TRAPPC9: variants seen among roughly 807,000 people sequenced by gnomAD.
TRAPPC9 encodes the protein IKK2 binding protein.
A neutral mutation model predicts 124.0 loss-of-function variants in TRAPPC9; 83 were observed. The ratio of observed to expected loss-of-function variants is 0.67; its 90% confidence interval spans 0.56 to 0.80. The LOEUF (loss-of-function observed/expected upper bound fraction) is 0.80. Among genes scored for constraint, TRAPPC9 ranks in the 30% least tolerant of loss-of-function variants. The pLI is 0.00. For missense variants in TRAPPC9, 1,302 were observed against 1,508.3 expected, an observed-to-expected ratio of 0.86 and a Z score of 2.27; for synonymous variants, 638 against 617.5, an observed-to-expected ratio of 1.03 and a Z score of -0.49.
In TRAPPC9 at chr8:140,039,909, C is replaced by T. The variant is rs574880938; in HGVS notation, c.2557-15830G>A. 6.6e-5 allele frequency: 10 copies of T among 152,312 alleles called. No homozygotes were observed. The South Asian group carries it at 2.1e-3, about 32-fold the overall frequency. 9.4% of individuals were successfully genotyped at this position (152,312 alleles called of 1,614,324 possible). On this transcript the variant is annotated intron_variant, in intron 17 of 22. Transcript: ENST00000438773. The stretch of plus-strand genomic sequence containing the variant: ...TGAACAATTACATGGTGAGCATGTT[C>T]TAGTATGAGTCCACAACTCTAAAGG...
chr8:140,136,565 C>T (rs1025486629), intron 17 of TRAPPC9, among the ~76,000 whole-genome samples: 6 of 152,188 alleles, frequency 3.9e-5, no homozygotes, highest in African/African-American at 1.4e-4. Flanking sequence ...TGGCTGGGCA[C>T]GGTGGCTCAC....
At chr8:139,886,288 T>C (rs1380459600) in intron 20 of TRAPPC9, among the ~76,000 whole-genome samples, 1 of 152,242 alleles carries the variant, frequency 6.6e-6, no homozygotes, top group Non-Finnish European at 1.5e-5. Context: ...AAATGGAAGG[T>C]TATTTTTCCT....
intron 18 of TRAPPC9, among the ~76,000 whole-genome samples, chr8:140,019,540 GTCTT>G (rs1839694585): frequency 1.4e-5 from 1 of 73,276 alleles, no homozygotes; most frequent in Non-Finnish European, 2.7e-5. Flanking sequence ...AGTAATTTGT[GTCTT>G]TTTTTTTTTT....
intron 21 of TRAPPC9, among the ~76,000 whole-genome samples, chr8:139,746,727 T>C (rs1474886048): frequency 6.6e-6 from 1 of 152,206 alleles, no homozygotes; most frequent in Non-Finnish European, 1.5e-5. Context: ...AGCTGTGACA[T>C]TTACAGGCCA....
intron 17 of TRAPPC9, among the ~76,000 whole-genome samples, chr8:140,121,186 A>G (rs1026371932): frequency 4.6e-5 from 7 of 152,210 alleles, no homozygotes; most frequent in African/African-American, 7.2e-5. Flanking sequence ...TAAGCCACAT[A>G]TTTATGTGGG....
At chr8:140,425,893 G>A (rs1375909600) in intron 5 of TRAPPC9, among the ~76,000 whole-genome samples, 3 of 152,192 alleles carry the variant, frequency 2.0e-5, no homozygotes, top group Non-Finnish European at 4.4e-5. Context: ...ACGGCCTAGA[G>A]AAAGGAGTGA....
intron 17 of TRAPPC9, among the ~76,000 whole-genome samples, chr8:140,186,971 G>C (rs569812475): frequency 5.9e-5 from 9 of 152,298 alleles, no homozygotes; most frequent in Middle Eastern, 3.4e-3. Flanking sequence ...CAGTGGGAGT[G>C]AGCATCAGGT....
intron 15 of TRAPPC9, among the ~76,000 whole-genome samples, chr8:140,267,125 G>C (rs1303876006): frequency 1.3e-5 from 2 of 152,210 alleles, no homozygotes; most frequent in Admixed American, 6.5e-5. Context: ...TCTGAAGATT[G>C]ATGTCTGAAG....
chr8:139,888,609 G>A (rs753085995), intron 20 of TRAPPC9, among the ~76,000 whole-genome samples: 97 of 152,184 alleles, frequency 6.4e-4, no homozygotes, highest in Non-Finnish European at 1.1e-3. Flanking sequence ...CTCCCTTGGG[G>A]GTCTTACTCT....
chr8:140,074,207 G>T (rs923816244), intron 17 of TRAPPC9, among the ~76,000 whole-genome samples: 3 of 152,078 alleles, frequency 2.0e-5, no homozygotes, highest in Non-Finnish European at 4.4e-5. Context: ...AGGCAGTCAG[G>T]GTTGCTTTCC....
At chr8:139,971,753 A>ACACACACACACATG (rs1351350834) in intron 19 of TRAPPC9, among the ~76,000 whole-genome samples, 1 of 3,534 alleles carries the variant, frequency 2.8e-4, no homozygotes, top group African/African-American at 7.8e-4. Context: ...ATATATACAC[A>ACACACACACACATG]CACACACACA....
intron 21 of TRAPPC9, among the ~76,000 whole-genome samples, chr8:139,845,054 T>C (rs996862032): frequency 6.6e-6 from 1 of 152,212 alleles, no homozygotes; most frequent in Admixed American, 6.5e-5. Flanking sequence ...CGTGGTTTCT[T>C]GTGTGTCCCA....
chr8:139,885,161 G>A (rs560056410), intron 21 of TRAPPC9, among the ~76,000 whole-genome samples: 2 of 152,280 alleles, frequency 1.3e-5, no homozygotes, highest in Non-Finnish European at 2.9e-5. Context: ...TAGATGAGCT[G>A]ATTAAATAAT....
intron 21 of TRAPPC9, among the ~76,000 whole-genome samples, chr8:139,766,787 C>CGCCTGGCT (rs1820614310): frequency 6.6e-6 from 1 of 152,248 alleles, no homozygotes; most frequent in Admixed American, 6.5e-5. Context: ...AAGAGCTCCC[C>CGCCTGGCT]GCCTGGCTCC....
chr8:140,105,031 C>A (rs1281785662), intron 17 of TRAPPC9, among the ~76,000 whole-genome samples: 1 of 152,156 alleles, frequency 6.6e-6, no homozygotes, highest in Non-Finnish European at 1.5e-5. Context: ...CACCACTTGG[C>A]CGGCTCCAGC....
chr8:139,899,039 G>T (rs1345857957), intron 20 of TRAPPC9, among the ~76,000 whole-genome samples: 1 of 133,696 alleles, frequency 7.5e-6, no homozygotes, highest in Non-Finnish European at 1.5e-5. Context: ...AGAATTGCTT[G>T]AACCCAGGAG....
chr8:139,914,604 C>A (rs1357642379), intron 19 of TRAPPC9, among the ~76,000 whole-genome samples: 1 of 152,198 alleles, frequency 6.6e-6, no homozygotes, highest in East Asian at 1.9e-4. Context: ...GTCAGTGCCA[C>A]CCGCACCTAA....
intron 1 of TRAPPC9, chr8:140,456,894 T>G: frequency 1.0e-6 from 1 of 954,828 alleles, no homozygotes; most frequent in East Asian, 1.2e-4. Context: ...AACTTTCGGT[T>G]AACAGACATT....
intron 17 of TRAPPC9, among the ~76,000 whole-genome samples, chr8:140,192,181 T>G (rs760255102): frequency 1.3e-5 from 2 of 152,222 alleles, no homozygotes; most frequent in Non-Finnish European, 2.9e-5. Flanking sequence ...ATCTATAATT[T>G]GCAAATCCAG....
Sources: gnomAD v4.1 joint callset for allele counts (sites outside exome capture counted in the v4.1 genomes callset) on GRCh38, gnomAD v4.1.1 for gene constraint, MANE v1.5 for transcripts, NCBI Gene and HGNC (gene_info 2026-07-23, HGNC 2026-07-21) for gene names.